ADCY7: variants seen among roughly 807,000 people sequenced by gnomAD.
ADCY7 encodes the protein adenylate cyclase 7.
ADCY7 carries 72 observed loss-of-function variants against 120.6 expected under a neutral mutation model. That is an observed-to-expected ratio of 0.60 (90% confidence interval 0.49 to 0.73). The LOEUF is 0.73. Among genes scored for constraint, ADCY7 ranks in the 30% least tolerant of loss-of-function variants. ADCY7 has a pLI of 0.00. For missense variants in ADCY7, 1,227 were observed against 1,486.0 expected, an observed-to-expected ratio of 0.83 and a Z score of 2.87; for synonymous variants, 661 against 628.0, an observed-to-expected ratio of 1.05 and a Z score of -0.78.
intron 7 of ADCY7, among the ~76,000 whole-genome samples, chr16:50,296,671 C>A (rs1567561430): frequency 6.6e-6 from 1 of 151,908 alleles, no homozygotes; most frequent in African/African-American, 2.4e-5. Flanking sequence ...TTGTAAGAGC[C>A]CCGCAGGTGT....
intron 1 of ADCY7, among the ~76,000 whole-genome samples, chr16:50,258,403 G>A (rs1315047106): frequency 6.6e-6 from 1 of 152,120 alleles, no homozygotes; most frequent in African/African-American, 2.4e-5. Flanking sequence ...CCTATAATGT[G>A]TAGCATGCTC....
At chr16:50,288,386 C>T in intron 2 of ADCY7, 36 bp downstream of exon 2, 1 of 1,500,824 alleles carries the variant, frequency 6.7e-7, no homozygotes, top group Non-Finnish European at 8.9e-7. Flanking sequence ...CACGTCTCGG[C>T]CCCAACCTTG....
rs144290211 is a variant in ADCY7, at chr16:50,304,536, C to A, written c.1545C>A (p.Asn515Lys). 7.7e-6 allele frequency: 12 copies of A among 1,555,498 alleles called. No homozygotes were observed. Among genetic ancestry groups the A allele is most frequent in the Middle Eastern group, 1.7e-4 (1 of 5,748 alleles). ...GCAGTGGTGAGACCCACGTCCCCAA[C>A]GGGCGGAGGCCTAAGGTAGGTCCCC... ...SVSSGETHVP[N>K]GRRPKSVPQR... The change falls in exon 11 of 26, where the codon AAC becomes AAA. Residue 515 changes from asparagine to lysine, a missense_variant. Coordinates refer to ENST00000673801, the MANE Select transcript of ADCY7 (RefSeq NM_001114.5).
At chr16:50,306,677 A>G (rs2036087976) in intron 14 of ADCY7, among the ~76,000 whole-genome samples, 1 of 152,166 alleles carries the variant, frequency 6.6e-6, no homozygotes, top group Non-Finnish European at 1.5e-5. Flanking sequence ...ACTTGGGGCC[A>G]TGAGCTCTGC....
rs936262450 is a variant in ADCY7, at chr16:50,317,050, G to A, written c.*1545G>A. The A allele has an allele frequency of 6.5e-6, 1 of 152,922 alleles. No homozygotes were observed. Among genetic ancestry groups the A allele is most frequent in the East Asian group, 1.9e-4 (1 of 5,332 alleles). The allele number at this position is 152,922 out of a possible 1,614,324, so 9.5% of individuals were successfully genotyped here. On this transcript the variant is annotated 3_prime_UTR_variant, in exon 26 of 26. Transcript: ENST00000673801. ...GGCTGCAAATTAAGAGTACAGCTAAGTGCGGGGGTGGCGGTGGAGGGAACG... is the reference window on the plus strand; with the variant it reads ...GGCTGCAAATTAAGAGTACAGCTAAATGCGGGGGTGGCGGTGGAGGGAACG...
At chr16:50,302,148 TCTC>T (rs148391392) in intron 10 of ADCY7, among the ~76,000 whole-genome samples, 17,178 of 146,686 alleles carry the variant, frequency 0.12, 1,060 homozygotes, top group Middle Eastern at 0.26. Context: ...CCCCACCTGG[TCTC>T]CTCCTGCCCT....
At position 50,315,364 on chromosome 16, in the gene ADCY7, CGAG is replaced by C; in HGVS notation, c.3106_3108del (p.Glu1036del). 1.2e-6 allele frequency: 2 copies of C among 1,605,502 alleles called. No individual in the cohort carries two copies. Among genetic ancestry groups the C allele is most frequent in the South Asian group, 1.1e-5 (1 of 90,926 alleles). On this transcript the variant is annotated inframe_deletion, in exon 26 of 26. Transcript: ENST00000673801. ...AGGTCTCTCTTCCTTTTCAGGTTACCGAGGAGACCTGCACCATCCTCCAGGGCC... is the reference window on the plus strand; with the variant it reads ...AGGTCTCTCTTCCTTTTCAGGTTACCGAGACCTGCACCATCCTCCAGGGCC...
chr16:50,259,568 G>A (rs762345836), intron 1 of ADCY7, among the ~76,000 whole-genome samples: 95 of 152,170 alleles, frequency 6.2e-4, no homozygotes, highest in Non-Finnish European at 9.8e-4. Context: ...GGCAGAGATC[G>A]GGGCCCTGGG....
Position 50,315,584 on chromosome 16 carries a change from C to A in ADCY7, c.*79C>A. The A allele has an allele frequency of 6.5e-7, 1 of 1,542,076 alleles. No individual in the cohort carries two copies. Reference sequence around the variant, plus strand: ...AAGCCCAGGAGAAGACTCTCCGCCCCACGCCAATCCCAAAGGCATGCAGAT... The same window carrying A: ...AAGCCCAGGAGAAGACTCTCCGCCCAACGCCAATCCCAAAGGCATGCAGAT... On this transcript the variant is annotated 3_prime_UTR_variant, in exon 26 of 26. Transcript: ENST00000673801.
At chr16:50,252,187 C>T (rs964169056) in intron 1 of ADCY7, among the ~76,000 whole-genome samples, 4 of 152,186 alleles carry the variant, frequency 2.6e-5, no homozygotes, top group South Asian at 4.1e-4. Context: ...TGTGCCGAGC[C>T]TCTGGTTCTT....
In ADCY7 at chr16:50,294,692, C is replaced by T. The variant is rs1387176994; in HGVS notation, c.889C>T (p.Pro297Ser). The T allele has an allele frequency of 6.3e-7, 1 of 1,593,388 alleles. No individual in the cohort carries two copies. Among genetic ancestry groups the T allele is most frequent in the African/African-American group, 1.3e-5 (1 of 74,330 alleles). Reference sequence around the variant, plus strand: ...CACGCAGCTGGCCAGCGACTGTTCTCCCAAGGAGCTGGTGGTGGTGCTGAA... The same window carrying T: ...CACGCAGCTGGCCAGCGACTGTTCTTCCAAGGAGCTGGTGGTGGTGCTGAA... The part of the protein sequence containing the change: ...GFTQLASDCS[P>S]KELVVVLNEL... Residue 297 changes from proline to serine, a missense_variant, in exon 7 of 26, where the codon CCC becomes TCC. Pro to Ser is a moderately conservative substitution (Grantham distance 74). Coordinates refer to ENST00000673801, the MANE Select transcript of ADCY7 (RefSeq NM_001114.5).
chr16:50,256,021 A>AATT (rs34181816), intron 1 of ADCY7, among the ~76,000 whole-genome samples: 149,662 of 151,708 alleles, frequency 0.99, 73,852 homozygotes, highest in East Asian at 1. Context: ...TGGTCTGGGC[A>AATT]ATTATTATTA....
intron 1 of ADCY7, among the ~76,000 whole-genome samples, chr16:50,282,912 G>A (rs1250485736): frequency 1.3e-5 from 2 of 152,100 alleles, no homozygotes; most frequent in Non-Finnish European, 2.9e-5. Flanking sequence ...TATAGCGATG[G>A]GGTCTCATTA....
At chr16:50,254,113 C>G (rs921963314) in intron 1 of ADCY7, among the ~76,000 whole-genome samples, 1 of 152,124 alleles carries the variant, frequency 6.6e-6, no homozygotes, top group Non-Finnish European at 1.5e-5. Context: ...TAAAAACGAC[C>G]CCTTCGCTGT....
intron 15 of ADCY7, 62 bp from the exon 16 acceptor site, chr16:50,308,265 T>TG: frequency 6.2e-7 from 1 of 1,613,682 alleles, no homozygotes; most frequent in South Asian, 1.1e-5. Flanking sequence ...AGAGGATTGG[T>TG]GGGGGCGGTG....
chr16:50,249,986 A>G (rs943659913), intron 1 of ADCY7, among the ~76,000 whole-genome samples: 2 of 152,222 alleles, frequency 1.3e-5, no homozygotes, highest in South Asian at 2.1e-4. Context: ...AGCTCTAAAG[A>G]GAGTCCCCTG....
intron 14 of ADCY7, 53 bp from the exon 15 acceptor site, chr16:50,306,997 G>T (rs1340176509): frequency 3.5e-6 from 5 of 1,419,438 alleles, no homozygotes; most frequent in Non-Finnish European, 4.9e-6. Flanking sequence ...TGGAGGCAGG[G>T]TGGGCAAGTG....
upstream of ADCY7, among the ~76,000 whole-genome samples, chr16:50,245,440 C>A (rs2032549703): frequency 6.6e-6 from 1 of 152,164 alleles, no homozygotes. Context: ...ACCTCCTCTG[C>A]CCCTCCCAGG....
intron 19 of ADCY7, 93 bp downstream of exon 19, chr16:50,310,973 G>A: frequency 7.7e-7 from 1 of 1,304,676 alleles, no homozygotes; most frequent in Non-Finnish European, 1.0e-6. Flanking sequence ...TGTTCATGGG[G>A]AGTGGGCACC....
Sources: gnomAD v4.1 joint callset for allele counts (sites outside exome capture counted in the v4.1 genomes callset) on GRCh38, gnomAD v4.1.1 for gene constraint, MANE v1.5 for transcripts, NCBI Gene and HGNC (gene_info 2026-07-23, HGNC 2026-07-21) for gene names.